The following CRTC1 variants were observed in gnomAD, a reference collection of about 807,000 sequenced individuals.
CRTC1 encodes the protein CREB regulated transcription coactivator 1, also known as CREB-regulated transcription coactivator 1.
In CRTC1, 18 loss-of-function variants were observed where a neutral mutation model predicts 66.1. The ratio of observed to expected loss-of-function variants is 0.27; its 90% CI spans 0.19 to 0.40. CRTC1 has a LOEUF of 0.40. Among genes scored for constraint, CRTC1 ranks in the 10% least tolerant of loss-of-function variants. CRTC1 has a pLI of 1.00. For missense variants in CRTC1, 669 were observed against 887.9 expected (o/e 0.75, Z 3.13); for synonymous variants, 416 against 398.8 (o/e 1.04, Z -0.51).
chr19:18,690,239 T>G (rs918331261), intron 1 of CRTC1, among the ~76,000 whole-genome samples: 1 of 152,062 alleles, frequency 6.6e-6, no homozygotes, highest in Non-Finnish European at 1.5e-5. Context: ...CGGTCAGGGC[T>G]GAAGGAGGGC....
chr19:18,781,530 C>G lies in CRTC1; in HGVS notation c.*4148C>G, dbSNP rs1357673950. The G allele has an allele frequency of 8.7e-6, 2 of 229,830 alleles. No homozygotes were observed. The highest frequency in any genetic ancestry group is 4.4e-5 in the African/African-American group (2 of 45,054). The allele number at this position is 229,830 out of a possible 1,614,324, so 14.2% of individuals were successfully genotyped here. On this transcript the variant is annotated 3_prime_UTR_variant, in exon 14 of 14. Coordinates refer to ENST00000321949, the MANE Select transcript of CRTC1 (RefSeq NM_015321.3). ...TCTTCCGTGTGGCACAGGTGTCCAC[C>G]CACCCCCACTGGCCACAGACACCAT...
intron 2 of CRTC1, among the ~76,000 whole-genome samples, chr19:18,743,727 C>T (rs1423678889): frequency 6.6e-6 from 1 of 152,246 alleles, no homozygotes; most frequent in African/African-American, 2.4e-5. Flanking sequence ...TCCCAAGTCA[C>T]CCACCAGCTC....
intron 1 of CRTC1, among the ~76,000 whole-genome samples, chr19:18,699,019 A>G (rs1014740948): frequency 2.6e-5 from 4 of 151,970 alleles, no homozygotes; most frequent in East Asian, 1.9e-4. Flanking sequence ...GCAGGTGCAC[A>G]GTGTGTATTT....
chr19:18,777,658 C>T lies in CRTC1; in HGVS notation c.*276C>T, dbSNP rs2145877606. The T allele has an allele frequency of 2.2e-6, 1 of 454,382 alleles. No homozygotes were observed. The highest frequency in any genetic ancestry group is 3.9e-6 in the Non-Finnish European group (1 of 254,148). 28.1% of individuals were successfully genotyped at this position (454,382 alleles called of 1,614,324 possible). On this transcript the variant is annotated 3_prime_UTR_variant, in exon 14 of 14. Transcript: ENST00000321949. The surrounding 1 kb of genome is among the most constrained non-coding windows in gnomAD (Gnocchi z 5.5). ...CCTGCAGACCCTCCCTGCACTGGCT[C>T]CCTCGCCCCCAGCCCCGGGGCCTGA...
intron 1 of CRTC1, among the ~76,000 whole-genome samples, chr19:18,696,531 G>A (rs996816529): frequency 6.6e-6 from 1 of 152,154 alleles, no homozygotes; most frequent in African/African-American, 2.4e-5. Flanking sequence ...AGGCACAGGA[G>A]GTCACATGGC....
At chr19:18,706,948 A>T (rs767219887) in intron 1 of CRTC1, among the ~76,000 whole-genome samples, 4 of 152,154 alleles carry the variant, frequency 2.6e-5, no homozygotes, top group Non-Finnish European at 5.9e-5. Context: ...CTTATCATCT[A>T]TATGATTCGC....
At chr19:18,693,803 G>C (rs551669483) in intron 1 of CRTC1, among the ~76,000 whole-genome samples, 3 of 151,902 alleles carry the variant, frequency 2.0e-5, no homozygotes, top group Admixed American at 2.0e-4. Context: ...CTGTTTGCAG[G>C]CACACTGATG....
chr19:18,737,730 C>CCTG (rs891092441), intron 1 of CRTC1, among the ~76,000 whole-genome samples: 11 of 151,752 alleles, frequency 7.2e-5, no homozygotes, highest in African/African-American at 2.7e-4. Flanking sequence ...CTGCCGCCCT[C>CCTG]CTGCTGCTGC....
intron 2 of CRTC1, among the ~76,000 whole-genome samples, chr19:18,743,504 A>G (rs2054157587): frequency 6.6e-6 from 1 of 152,248 alleles, no homozygotes; most frequent in South Asian, 2.1e-4. Flanking sequence ...TAAGGCCCAC[A>G]GCGGCCCTCT....
Position 18,771,682 on chromosome 19 carries a change from C to T in CRTC1, c.1425+136C>T. The T allele has an allele frequency of 1.4e-6, 1 of 716,428 alleles. No homozygotes were observed. Among genetic ancestry groups the T allele is most frequent in the Non-Finnish European group, 2.4e-6 (1 of 418,568 alleles). 44.4% of individuals were successfully genotyped at this position (716,428 alleles called of 1,614,324 possible). On this transcript the variant is annotated intron_variant, in intron 11 of 13. Coordinates refer to ENST00000321949, the MANE Select transcript of CRTC1 (RefSeq NM_015321.3). The surrounding 1 kb of genome is among the most constrained non-coding windows in gnomAD (Gnocchi z 4.6). ...CTCATGCATCCCATCCCGTCCACGCCATCGGACCTGAGCTGTGCACCTACC... is the reference window on the plus strand; with the variant it reads ...CTCATGCATCCCATCCCGTCCACGCTATCGGACCTGAGCTGTGCACCTACC...
intron 1 of CRTC1, among the ~76,000 whole-genome samples, chr19:18,712,452 G>C (rs1380791493): frequency 6.6e-6 from 1 of 151,468 alleles, no homozygotes; most frequent in African/African-American, 2.4e-5. Flanking sequence ...TAGAGATAGG[G>C]TTTCACCATG....
Position 18,768,812 on chromosome 19 carries a change from C to T in CRTC1, c.1320+19C>T. 1 of 1,581,200 alleles carries T rather than the reference C, an allele frequency of 6.3e-7. No homozygotes were observed. The highest frequency in any genetic ancestry group is 8.6e-7 in the Non-Finnish European group (1 of 1,164,756). On this transcript the variant is annotated intron_variant, in intron 10 of 13. Transcript: ENST00000321949. The surrounding 1 kb of genome is among the most constrained non-coding windows in gnomAD (Gnocchi z 5.6). ...CGCCTCGGTAAGCCCAGGGTGGGGT[C>T]CCTCGGGGCCTGACTGGGGGTCTTG...
intron 1 of CRTC1, among the ~76,000 whole-genome samples, chr19:18,688,329 G>A (rs1369529384): frequency 6.6e-6 from 1 of 152,112 alleles, no homozygotes; most frequent in Non-Finnish European, 1.5e-5. Context: ...ATGACTTGGC[G>A]AGTTTGAGAA....
chr19:18,773,536 C>T (rs948630783), intron 11 of CRTC1, among the ~76,000 whole-genome samples: 59 of 152,166 alleles, frequency 3.9e-4, no homozygotes, highest in African/African-American at 1.4e-3. Context: ...CCCCACACCC[C>T]GAGCCCCAGG....
chr19:18,693,272 C>T (rs1170485448), intron 1 of CRTC1, among the ~76,000 whole-genome samples: 2 of 150,906 alleles, frequency 1.3e-5, no homozygotes, highest in Non-Finnish European at 2.9e-5. Flanking sequence ...ACCTGTAGTC[C>T]CAGCTACTTG....
chr19:18,753,539 C>T lies in CRTC1; in HGVS notation c.578C>T (p.Ser193Leu). ...GTCCCAGGAATGGAAGAGACCACAT[C>T]AGAGGCAGACAAAAACCTTTCCAAG... Reference protein sequence around the residue: ...LTVPGMEETTSEADKNLSKQA... With the variant: ...LTVPGMEETTLEADKNLSKQA... The change falls in exon 6 of 14, where the codon TCA (serine) becomes TTA (leucine). Residue 193 changes from serine to leucine, a missense_variant. Physicochemically the swap from Ser to Leu is moderately radical, Grantham distance 145. Coordinates refer to ENST00000321949, the MANE Select transcript of CRTC1 (RefSeq NM_015321.3). 1.2e-6 allele frequency: 2 copies of T among 1,613,376 alleles called. No individual in the cohort carries two copies. Among genetic ancestry groups the T allele is most frequent in the African/African-American group, 1.3e-5 (1 of 75,010 alleles).
Position 18,778,435 on chromosome 19 carries a change from C to T in CRTC1, c.*1053C>T, listed in dbSNP as rs536566055. ...AAGCTAACTGGAAATGGAGGCCATG[C>T]GCCCCAAAGCAGCCCGCCACCCACC... On this transcript the variant is annotated 3_prime_UTR_variant, in exon 14 of 14. Coordinates refer to ENST00000321949, the MANE Select transcript of CRTC1 (RefSeq NM_015321.3). The T allele has an allele frequency of 9.9e-5, 23 of 231,744 alleles. No individual in the cohort carries two copies. Among genetic ancestry groups the T allele is most frequent in the Admixed American group, 1.7e-4 (3 of 17,760 alleles). 14.4% of individuals were successfully genotyped at this position (231,744 alleles called of 1,614,324 possible).
At chr19:18,686,934 C>A (rs1280226103) in intron 1 of CRTC1, among the ~76,000 whole-genome samples, 1 of 151,572 alleles carries the variant, frequency 6.6e-6, no homozygotes, top group African/African-American at 2.4e-5. Context: ...GCCCAACCCC[C>A]TACATGTAGT....
At chr19:18,711,492 C>T (rs1312277875) in intron 1 of CRTC1, among the ~76,000 whole-genome samples, 1 of 152,008 alleles carries the variant, frequency 6.6e-6, no homozygotes, top group Non-Finnish European at 1.5e-5. Flanking sequence ...TTTAAGTTAA[C>T]TTAAAAGAAA....
Sources: gnomAD v4.1 joint callset for allele counts (sites outside exome capture counted in the v4.1 genomes callset) on GRCh38, gnomAD v4.1.1 for gene constraint, Gnocchi (gnomAD v3.1) non-coding constraint, MANE v1.5 for transcripts, NCBI Gene and HGNC (gene_info 2026-07-23, HGNC 2026-07-21) for gene names.